CSMD3: variants seen among roughly 807,000 people sequenced by gnomAD.
The protein encoded by CSMD3 is CUB and Sushi multiple domains 3.
Under a neutral mutation model 435.2 loss-of-function variants are expected in CSMD3, and 177 were observed. The ratio of observed to expected loss-of-function variants is 0.41; its 90% CI spans 0.36 to 0.46. The LOEUF is 0.46. Among genes scored for constraint, CSMD3 ranks in the 20% least tolerant of loss-of-function variants. The pLI is 0.34. For missense variants in CSMD3, 4,265 were observed against 4,504.6 expected, an observed-to-expected ratio of 0.95 and a Z score of 1.52; for synonymous variants, 1,656 against 1,520.5, an observed-to-expected ratio of 1.09 and a Z score of -2.07.
chr8:113,058,908 A>G (rs1456033338), intron 5 of CSMD3, among the ~76,000 whole-genome samples: 3 of 152,140 alleles, frequency 2.0e-5, no homozygotes, highest in Non-Finnish European at 4.4e-5. Context: ...TATACTGGAG[A>G]TAATATAGAC....
At chr8:113,347,739 A>G (rs772422612) in intron 1 of CSMD3, among the ~76,000 whole-genome samples, 1 of 152,174 alleles carries the variant, frequency 6.6e-6, no homozygotes, top group Non-Finnish European at 1.5e-5. Flanking sequence ...GGCTGCTAGC[A>G]AGAAGATATA....
At chr8:113,214,522 C>T (rs570939294) in intron 3 of CSMD3, among the ~76,000 whole-genome samples, 2 of 152,004 alleles carry the variant, frequency 1.3e-5, no homozygotes, top group East Asian at 3.9e-4. Flanking sequence ...ATCTTCTGGT[C>T]TTTTGAGTTA....
intron 35 of CSMD3, among the ~76,000 whole-genome samples, chr8:112,392,967 G>A (rs947326156): frequency 1.4e-5 from 2 of 148,024 alleles, no homozygotes; most frequent in African/African-American, 5.0e-5. Context: ...CTAGGCTCAA[G>A]CAATCCTCCC....
chr8:112,596,496 C>G (rs1179929401), intron 22 of CSMD3, among the ~76,000 whole-genome samples: 1 of 152,142 alleles, frequency 6.6e-6, no homozygotes, highest in African/African-American at 2.4e-5. Context: ...GAATTGAACT[C>G]AGCTCTGCAC....
At chr8:113,416,281 G>T (rs1380349734) in intron 1 of CSMD3, among the ~76,000 whole-genome samples, 1 of 152,032 alleles carries the variant, frequency 6.6e-6, no homozygotes, top group African/African-American at 2.4e-5. Flanking sequence ...GTTGTTGGTC[G>T]TAGTTGTTCT....
intron 55 of CSMD3, among the ~76,000 whole-genome samples, chr8:112,291,947 G>C (rs75550526): frequency 6.6e-6 from 1 of 151,804 alleles, no homozygotes; most frequent in Non-Finnish European, 1.5e-5. Context: ...CGCTAAGTAC[G>C]AATTTTAAAA....
intron 12 of CSMD3, among the ~76,000 whole-genome samples, chr8:112,813,601 C>T (rs1354314313): frequency 6.6e-6 from 1 of 152,002 alleles, no homozygotes; most frequent in Non-Finnish European, 1.5e-5. Flanking sequence ...GCAAAATTTT[C>T]GCTGTTTATA....
intron 23 of CSMD3, among the ~76,000 whole-genome samples, chr8:112,582,549 T>A (rs369159276): frequency 6.6e-6 from 1 of 151,876 alleles, no homozygotes; most frequent in Non-Finnish European, 1.5e-5. Context: ...CGCCAAATCA[T>A]AGGGCTATCT....
At chr8:112,228,692 C>A (rs2129830873) in intron 70 of CSMD3, 64 bp downstream of exon 70, 3 of 1,499,520 alleles carry the variant, frequency 2.0e-6, no homozygotes, top group Non-Finnish European at 2.8e-6. Context: ...TGAGCTAGAG[C>A]AGTAGAAATA....
At chr8:112,579,977 C>T (rs1029147653) in intron 23 of CSMD3, among the ~76,000 whole-genome samples, 3 of 151,962 alleles carry the variant, frequency 2.0e-5, no homozygotes, top group African/African-American at 7.2e-5. Context: ...AAAAGATTGC[C>T]TTGAATTTTG....
At chr8:113,046,709 T>C (rs567667923) in intron 5 of CSMD3, among the ~76,000 whole-genome samples, 1 of 152,306 alleles carries the variant, frequency 6.6e-6, no homozygotes, top group East Asian at 1.9e-4. Flanking sequence ...GCTGTTTTTA[T>C]TGATACAAGG....
intron 3 of CSMD3, among the ~76,000 whole-genome samples, chr8:113,223,622 C>CATATATATATATAT (rs3048833): frequency 7.5e-5 from 11 of 146,126 alleles, no homozygotes; most frequent in African/African-American, 2.7e-4. Context: ...GTCAAGTATA[C>CATATATATATATAT]ATATATATAT....
intron 27 of CSMD3, among the ~76,000 whole-genome samples, chr8:112,531,022 T>C: frequency 6.6e-6 from 1 of 152,058 alleles, no homozygotes; most frequent in East Asian, 1.9e-4. Context: ...TGACATCAGC[T>C]GCGGGGGCCA....
rs563861372 is a variant in CSMD3 at position 112,790,415 on chromosome 8, C to CA, written c.1972+9746dup. ...AGAAAAAGAAAGATGTTTCCAGTTT[C>CA]AAAAAAAAAAAATCAGTTCCTCACA... On this transcript the variant is annotated intron_variant, in intron 13 of 70. Transcript: ENST00000297405. Among the ~76,000 whole-genome samples the CA allele has an allele frequency of 5.8e-3, 812 of 140,844 alleles. 4 individuals carry two copies. The highest frequency in any genetic ancestry group is 0.011 in the East Asian group (55 of 4,916). The allele number at this position is 140,844 out of a possible 152,430, so 92.4% of individuals were successfully genotyped here.
intron 22 of CSMD3, among the ~76,000 whole-genome samples, chr8:112,595,259 G>T (rs1468180392): frequency 6.6e-6 from 1 of 151,940 alleles, no homozygotes; most frequent in Non-Finnish European, 1.5e-5. Flanking sequence ...GGAAGAAAGG[G>T]TATCAGCAAT....
intron 2 of CSMD3, among the ~76,000 whole-genome samples, chr8:113,300,005 T>A (rs1434414033): frequency 1.8e-4 from 26 of 143,250 alleles, no homozygotes; most frequent in East Asian, 1.5e-3. Context: ...AAAAAAAAAA[T>A]TAGCAAAGCA....
At chr8:112,249,415 G>C (rs1395034759) in intron 63 of CSMD3, among the ~76,000 whole-genome samples, 3 of 152,038 alleles carry the variant, frequency 2.0e-5, no homozygotes, top group Non-Finnish European at 4.4e-5. Flanking sequence ...TCTGGGGTAG[G>C]TCCATGAATC....
intron 10 of CSMD3, among the ~76,000 whole-genome samples, chr8:112,914,974 A>G (rs2082532989): frequency 6.6e-6 from 1 of 151,950 alleles, no homozygotes; most frequent in South Asian, 2.1e-4. Flanking sequence ...TGGAAAGGCT[A>G]TTAAGTCATC....
intron 50 of CSMD3, among the ~76,000 whole-genome samples, chr8:112,309,896 T>A (rs1451858887): frequency 6.6e-6 from 1 of 152,184 alleles, no homozygotes; most frequent in Admixed American, 6.5e-5. Flanking sequence ...TTACCTATCT[T>A]ACATTTTGTT....
Sources: gnomAD v4.1 joint callset for allele counts (sites outside exome capture counted in the v4.1 genomes callset) on GRCh38, gnomAD v4.1.1 for gene constraint, MANE v1.5 for transcripts, NCBI Gene and HGNC (gene_info 2026-07-23, HGNC 2026-07-21) for gene names.